The following SEC16B variants were observed in gnomAD, a reference collection of about 807,000 sequenced individuals.
SEC16B encodes the protein protein transport protein Sec16B.
Under a neutral mutation model 141.8 loss-of-function variants are expected in SEC16B, and 115 were observed. The ratio of observed to expected loss-of-function variants is 0.81; its 90% confidence interval spans 0.70 to 0.95. The LOEUF (loss-of-function observed/expected upper bound fraction) is 0.95, where lower values mean the gene tolerates loss of function less well. Ranked by LOEUF, SEC16B falls within the 40% of genes least tolerant of loss-of-function variation. The probability of loss-of-function intolerance (pLI) is 0.00; values close to 1 mark genes in which losing one functional copy is unlikely to be tolerated. For missense variants in SEC16B, 1,291 were observed against 1,312.3 expected (o/e 0.98, Z 0.25); for synonymous variants, 493 against 492.5 (o/e 1.00, Z -0.01).
rs144118841 is a variant in SEC16B at position 177,948,505 on chromosome 1, C to G, written c.1546-563G>C. 5,791 of 1,304,202 alleles carry G rather than the reference C, an allele frequency of 4.4e-3. 17 individuals are homozygous for G. Among genetic ancestry groups the G allele is most frequent in the Non-Finnish European group, 5.6e-3 (5,506 of 988,934 alleles). 80.8% of individuals were successfully genotyped at this position (1,304,202 alleles called of 1,614,324 possible). Reference sequence around the variant, plus strand: ...CACTTTAAGAATAAGAAAATCAAGCCAAGTGGCCCAGCTAGGACGATGCAG... The same window carrying G: ...CACTTTAAGAATAAGAAAATCAAGCGAAGTGGCCCAGCTAGGACGATGCAG... On this transcript the variant is annotated intron_variant, in intron 12 of 25. Transcript: ENST00000308284.
chr1:177,940,186 A>C (rs1183609417), intron 17 of SEC16B, among the ~76,000 whole-genome samples: 1 of 152,254 alleles, frequency 6.6e-6, no homozygotes, highest in Non-Finnish European at 1.5e-5. Context: ...CAGCTTTTGC[A>C]ATTGTCAGAA....
intron 14 of SEC16B, among the ~76,000 whole-genome samples, chr1:177,944,933 G>C (rs1307551859): frequency 6.6e-6 from 1 of 152,194 alleles, no homozygotes; most frequent in Non-Finnish European, 1.5e-5. Flanking sequence ...TGCAGAAAAG[G>C]GGGGTCACCT....
At chr1:177,954,167 C>T in intron 11 of SEC16B, 112 bp downstream of exon 11, 1 of 695,020 alleles carries the variant, frequency 1.4e-6, no homozygotes, top group Admixed American at 2.4e-5. Flanking sequence ...GGAAAGATCC[C>T]TGGAGTGTGA....
chr1:177,973,031 TTTCTGTTGTTTAAGCCC>T, upstream of SEC16B, among the ~76,000 whole-genome samples: 1 of 152,312 alleles, frequency 6.6e-6, no homozygotes, highest in South Asian at 2.1e-4. Flanking sequence ...GAGAAATAAA[TTTCTGTTGTTTAAGCCC>T]TAGTCTATGG....
rs114352755 is a variant in SEC16B, at chr1:177,958,981, T to A, written c.999-6A>T. 6.2e-7 allele frequency: 1 copy of A among 1,611,268 alleles called. No homozygotes were observed. The highest frequency in any genetic ancestry group is 2.2e-5 in the East Asian group (1 of 44,842). On this transcript the variant is annotated splice_region_variant and splice_polypyrimidine_tract_variant and intron_variant, in intron 8 of 25. Coordinates refer to ENST00000308284, the MANE Select transcript of SEC16B (RefSeq NM_033127.4). ...CCACCTTATGTACATCTTCCCTACA[T>A]GGAAAAAATTTAGGGAGCAAAGAGT...
chr1:177,970,961 CT>C (rs1262730091), upstream of SEC16B, among the ~76,000 whole-genome samples: 1 of 152,184 alleles, frequency 6.6e-6, no homozygotes, highest in Non-Finnish European at 1.5e-5. Flanking sequence ...AAAACCACCC[CT>C]CTTGGGTCTC....
intron 3 of SEC16B, 61 bp downstream of exon 3, chr1:177,965,832 G>T: frequency 1.9e-6 from 2 of 1,040,352 alleles, no homozygotes; most frequent in Non-Finnish European, 2.9e-6. Flanking sequence ...TCTCTCCCCT[G>T]CCTCTCAGAC....
rs371294248 is a variant in SEC16B at position 177,951,915 on chromosome 1, G to T, written c.1544C>A (p.Thr515Lys). ...AAAGGAATCCTGTCATAGGGGTACC[G>T]TGGCTGCCTGTGGAATCCTCCCCGA... Reference protein sequence around the residue: ...LMSGRIPQAATCCGEKQWGDW... With the variant: ...LMSGRIPQAAKCCGEKQWGDW... The change falls in exon 12 of 26, where the codon ACG (threonine) becomes AAG (lysine). Residue 515 changes from threonine (T) to lysine (K), a missense_variant and splice_region_variant. By Grantham distance (78) the Thr-to-Lys change is moderately conservative. Around this residue, in one of 3 missense-constraint regions of SEC16B, gnomAD observed 681 missense variants for 675.5 expected, o/e 1.01. Coordinates refer to ENST00000308284, the MANE Select transcript of SEC16B (RefSeq NM_033127.4). 137 of 1,600,192 alleles carry T rather than the reference G, an allele frequency of 8.6e-5. No homozygotes were observed. Among genetic ancestry groups the T allele is most frequent in the Middle Eastern group, 3.3e-4 (2 of 6,064 alleles).
rs1275213272 is a variant in SEC16B at position 177,929,933 on chromosome 1, G to C, written c.3112-4C>G. 1.2e-5 allele frequency: 20 copies of C among 1,613,542 alleles called. No individual in the cohort carries two copies. The highest frequency in any genetic ancestry group is 1.7e-5 in the Non-Finnish European group (20 of 1,179,716). ...TCAGGCTAGTGGCCGTGGGCAGCTG[G>C]AAAAGAAGAACAAATATTACACTGA... On this transcript the variant is annotated splice_region_variant and splice_polypyrimidine_tract_variant and intron_variant, in intron 25 of 25. Transcript: ENST00000308284.
Position 177,960,928 on chromosome 1 carries a change from C to CTTCA in SEC16B, c.798_799insTGAA (p.Ala267Ter), listed in dbSNP as rs757755531. 2 of 1,500,136 alleles carry CTTCA rather than the reference C, an allele frequency of 1.3e-6. No homozygotes were observed. The highest frequency in any genetic ancestry group is 1.8e-6 in the Non-Finnish European group (2 of 1,087,502). 92.9% of individuals were successfully genotyped at this position (1,500,136 alleles called of 1,614,324 possible). Reference sequence around the variant, plus strand: ...AACTTCATGGGTGCTTTGGGACCAGCTGAGGAGACATCTTCTGACCAACAG... The same window carrying CTTCA: ...AACTTCATGGGTGCTTTGGGACCAGCTTCATGAGGAGACATCTTCTGACCAACAG... On this transcript the variant is annotated stop_gained and frameshift_variant, in exon 7 of 26. Coordinates refer to ENST00000308284, the MANE Select transcript of SEC16B (RefSeq NM_033127.4). LOFTEE classifies it high-confidence loss of function.
Position 177,929,623 on chromosome 1 carries a change from C to T in SEC16B, c.*235G>A. The T allele has an allele frequency of 1.9e-6, 1 of 538,626 alleles. No homozygotes were observed. The highest frequency in any genetic ancestry group is 3.4e-6 in the Non-Finnish European group (1 of 297,710). The allele number at this position is 538,626 out of a possible 1,614,324, so 33.4% of individuals were successfully genotyped here. A position where few individuals can be genotyped will look rare whatever the true frequency, so the allele number is the denominator to read the frequency against. On this transcript the variant is annotated 3_prime_UTR_variant, in exon 26 of 26. Coordinates refer to ENST00000308284, the MANE Select transcript of SEC16B (RefSeq NM_033127.4). ...CTCATGTGCAGTCTGCTATTAGACCCAGACTTTCCACCTGATGAAATAATT... is the reference window on the plus strand; with the variant it reads ...CTCATGTGCAGTCTGCTATTAGACCTAGACTTTCCACCTGATGAAATAATT...
chr1:177,957,228 T>C (rs1652680070), intron 10 of SEC16B, among the ~76,000 whole-genome samples: 1 of 152,192 alleles, frequency 6.6e-6, no homozygotes, highest in Admixed American at 6.5e-5. Flanking sequence ...GTAAATGGTA[T>C]AATTTATAGT....
intron 4 of SEC16B, among the ~76,000 whole-genome samples, chr1:177,964,703 G>A (rs1265329311): frequency 6.6e-6 from 1 of 152,216 alleles, no homozygotes; most frequent in Non-Finnish European, 1.5e-5. Flanking sequence ...CACAGCACCA[G>A]GTAAGTTCTC....
chr1:177,929,547 T>TC lies in SEC16B; in HGVS notation c.*310dup. ...GATTCTAGCTGTTAGGGCCCTAATT[T>TC]CCCCAAGGCTCTCAAGCCACCACCA... On this transcript the variant is annotated 3_prime_UTR_variant, in exon 26 of 26. Transcript: ENST00000308284. The TC allele has an allele frequency of 2.8e-6, 1 of 350,934 alleles. No homozygotes were observed. Among genetic ancestry groups the TC allele is most frequent in the Non-Finnish European group, 5.3e-6 (1 of 188,592 alleles). The allele number at this position is 350,934 out of a possible 1,614,324, so 21.7% of individuals were successfully genotyped here.
chr1:177,937,541 G>C (rs760942222), intron 18 of SEC16B, 28 bp from the exon 19 acceptor site: 1 of 1,476,416 alleles, frequency 6.8e-7, no homozygotes, highest in South Asian at 1.4e-5. Flanking sequence ...AGGTAAAGAA[G>C]TCAGACCTGA....
At position 177,933,194 on chromosome 1, in the gene SEC16B, C is replaced by T. The variant is rs1445979507; in HGVS notation, c.2823+20G>A. 2.0e-6 allele frequency: 3 copies of T among 1,532,386 alleles called. No homozygotes were observed. Among genetic ancestry groups the T allele is most frequent in the Non-Finnish European group, 1.8e-6 (2 of 1,127,856 alleles). 94.9% of individuals were successfully genotyped at this position (1,532,386 alleles called of 1,614,324 possible). On this transcript the variant is annotated intron_variant, in intron 22 of 25. Transcript: ENST00000308284. ...AAAGACCCACAGAGAGGGGCATCCT[C>T]CCCCTCCCACAGAGCCTACCTCAGA...
chr1:177,960,127 G>T (rs1174277952), intron 8 of SEC16B: 1 of 563,062 alleles, frequency 1.8e-6, no homozygotes, highest in Non-Finnish European at 3.2e-6. Context: ...AAACTGTCAT[G>T]CTAATTTTTC....
chr1:177,950,500 T>G (rs930476699), intron 12 of SEC16B, among the ~76,000 whole-genome samples: 1 of 151,910 alleles, frequency 6.6e-6, no homozygotes, highest in African/African-American at 2.4e-5. Context: ...TTATGTAATA[T>G]GAGAAAACAA....
intron 14 of SEC16B, 120 bp downstream of exon 14, chr1:177,946,300 G>A (rs1310564725): frequency 1.3e-6 from 1 of 790,504 alleles, no homozygotes. Flanking sequence ...CCAAATAAGG[G>A]AGCCGGCGGT....
Sources: gnomAD v4.1 joint callset for allele counts (sites outside exome capture counted in the v4.1 genomes callset) on GRCh38, gnomAD v4.1.1 for gene constraint, gnomAD v4.1.1 regional missense constraint, MANE v1.5 for transcripts, NCBI Gene and HGNC (gene_info 2026-07-23, HGNC 2026-07-21) for gene names.